Variants in CHCHD3 observed in about 807,000 individuals in gnomAD.
CHCHD3 encodes MICOS complex subunit MIC19.
In CHCHD3, 20 loss-of-function variants were observed where a neutral mutation model predicts 38.2. The observed-to-expected ratio is 0.52, with a 90% CI of 0.37 to 0.76. The LOEUF (loss-of-function observed/expected upper bound fraction) is 0.76. CHCHD3 is among the 30% of genes least tolerant of loss of function. The pLI is 0.00. For missense variants in CHCHD3, 245 were observed against 279.2 expected, an observed-to-expected ratio of 0.88 and a Z score of 0.87; for synonymous variants, 82 against 100.0, an observed-to-expected ratio of 0.82 and a Z score of 1.07.
intron 2 of CHCHD3, among the ~76,000 whole-genome samples, chr7:133,061,023 A>T (rs1814492473): frequency 6.6e-6 from 1 of 152,232 alleles, no homozygotes; most frequent in Middle Eastern, 3.2e-3. Flanking sequence ...AAGGTCTTGT[A>T]CAAAAGCAGT....
rs752179945 is a variant in CHCHD3 at position 133,034,929 on chromosome 7, T to G, written c.170-10302A>C. 1.9e-6 allele frequency: 3 copies of G among 1,605,736 alleles called. No homozygotes were observed. The East Asian group carries it at 6.7e-5, about 36-fold the overall frequency. ...GCAGCTCATGAAGGTCTGAGTGAGT[T>G]CTTCAGGGAAGCGATACTCTGAGTA... is the stretch of plus-strand genomic sequence containing the variant. On this transcript the variant is annotated intron_variant, in intron 2 of 7. Transcript: ENST00000262570.
Position 132,962,776 on chromosome 7 carries a change from C to A in CHCHD3, c.369+12393G>T, listed in dbSNP as rs143289418. Among the ~76,000 whole-genome samples, 863 of 152,254 alleles carry A rather than the reference C, an allele frequency of 5.7e-3. 6 individuals are homozygous for A. The highest frequency in any genetic ancestry group is 0.02 in the African/African-American group (825 of 41,556). On this transcript the variant is annotated intron_variant, in intron 4 of 7. Transcript: ENST00000262570. Reference sequence around the variant, plus strand: ...ACCTCTTTTTTGCCCATTCCACTTTCTTCTTACTAAAACTCTAGCAATGAC... The same window carrying A: ...ACCTCTTTTTTGCCCATTCCACTTTATTCTTACTAAAACTCTAGCAATGAC...
chr7:132,839,709 G>C (rs1349800735), intron 5 of CHCHD3, among the ~76,000 whole-genome samples: 1 of 152,120 alleles, frequency 6.6e-6, no homozygotes, highest in Non-Finnish European at 1.5e-5. Flanking sequence ...AACAATCTTG[G>C]TTGTCCAATG....
At chr7:133,032,004 G>A (rs1369824881) in intron 2 of CHCHD3, among the ~76,000 whole-genome samples, 1 of 152,112 alleles carries the variant, frequency 6.6e-6, no homozygotes, top group Non-Finnish European at 1.5e-5. Context: ...ACAACACCAA[G>A]TATATTAGAG....
At position 133,012,791 on chromosome 7, in the gene CHCHD3, G is replaced by GGAGGGGAGGGGAGGA. The variant is rs1385438156; in HGVS notation, c.251+11754_251+11755insTCCTCCCCTCCCCTC. Among the ~76,000 whole-genome samples the GGAGGGGAGGGGAGGA allele has an allele frequency of 2.6e-4, 3 of 11,492 alleles. No individual in the cohort carries two copies. In the East Asian group the frequency reaches 5.4e-3, roughly 21 times the overall value. 7.5% of individuals were successfully genotyped at this position (11,492 alleles called of 152,430 possible). ...AACTAAGAAAGAAAAGGAGGAGAGG[G>GGAGGGGAGGGGAGGA]GAGGGGAGGGGAGGGGAAGAGAGGG... On this transcript the variant is annotated intron_variant, in intron 3 of 7. Transcript: ENST00000262570.
rs1055828380 is a variant in CHCHD3, at chr7:133,056,022, C to T, written c.169+14120G>A. On this transcript the variant is annotated intron_variant, in intron 2 of 7. Transcript: ENST00000262570. ...CTGCCAAATGTGGTGGTGGCACACA[C>T]TTGTAACCCAAACTACTCAGGAAAC... Among the ~76,000 whole-genome samples, 14 of 151,968 alleles carry T rather than the reference C, an allele frequency of 9.2e-5. No homozygotes were observed. In the East Asian group the frequency reaches 2.5e-3, roughly 27 times the overall value.
intron 5 of CHCHD3, among the ~76,000 whole-genome samples, chr7:132,853,149 C>G (rs1428207064): frequency 6.6e-6 from 1 of 152,138 alleles, no homozygotes; most frequent in Non-Finnish European, 1.5e-5. Flanking sequence ...GTGCACATCT[C>G]TCTAAGTGAA....
intron 4 of CHCHD3, among the ~76,000 whole-genome samples, chr7:132,890,860 T>C (rs1313827484): frequency 2.6e-5 from 4 of 152,236 alleles, no homozygotes; most frequent in Admixed American, 2.6e-4. Flanking sequence ...TCTTTCACTA[T>C]AATATGGATA....
chr7:133,035,113 G>A lies in CHCHD3; in HGVS notation c.170-10486C>T, dbSNP rs755053135. The stretch of plus-strand genomic sequence containing the variant: ...TCCTTGGCCTTGGGCTCAGCAGCCA[G>A]CGCCTGCTCACATTCATCCATCTCC... On this transcript the variant is annotated intron_variant, in intron 2 of 7. Transcript: ENST00000262570. This position sits in a 1 kb window ranked among gnomAD's most constrained non-coding sequence, Gnocchi z 4.7. 1.5e-5 allele frequency: 24 copies of A among 1,613,600 alleles called. No individual in the cohort carries two copies. The South Asian group carries it at 2.6e-4, about 18-fold the overall frequency.
chr7:132,873,434 A>G (rs1198105875), intron 5 of CHCHD3, among the ~76,000 whole-genome samples: 2 of 86,686 alleles, frequency 2.3e-5, no homozygotes, highest in Non-Finnish European at 4.7e-5. Context: ...TTTTTTTTTG[A>G]GACGGGTCTC....
At chr7:132,832,388 C>T (rs1563248936) in intron 6 of CHCHD3, among the ~76,000 whole-genome samples, 2 of 152,172 alleles carry the variant, frequency 1.3e-5, no homozygotes, top group Non-Finnish European at 2.9e-5. Context: ...TAGACTTGTA[C>T]TTCTTTAGAA....
intron 6 of CHCHD3, among the ~76,000 whole-genome samples, chr7:132,807,472 T>C (rs1806953284): frequency 1.3e-5 from 2 of 151,914 alleles, no homozygotes. Flanking sequence ...GTAAAATGAA[T>C]GGTTAATGAG....
chr7:133,074,805 G>A (rs1350117016), intron 1 of CHCHD3, among the ~76,000 whole-genome samples: 3 of 152,014 alleles, frequency 2.0e-5, no homozygotes, highest in African/African-American at 7.3e-5. Context: ...ATTTTCATCT[G>A]AAAAAAATGA....
At chr7:132,968,801 T>C (rs560014878) in intron 4 of CHCHD3, among the ~76,000 whole-genome samples, 157 of 152,324 alleles carry the variant, frequency 1.0e-3, no homozygotes, top group African/African-American at 3.6e-3. Flanking sequence ...ACCATGTCGA[T>C]CATTTCAAAA....
chr7:132,923,874 G>A (rs1010613787), intron 4 of CHCHD3, among the ~76,000 whole-genome samples: 1 of 152,150 alleles, frequency 6.6e-6, no homozygotes, highest in African/African-American at 2.4e-5. Context: ...GAGAAGGAAT[G>A]AGAAAGATTA....
intron 4 of CHCHD3, among the ~76,000 whole-genome samples, chr7:132,932,565 C>A (rs1400479504): frequency 6.6e-6 from 1 of 152,228 alleles, no homozygotes; most frequent in Non-Finnish European, 1.5e-5. Context: ...CTGCCGTCTC[C>A]CACTGTTCCC....
chr7:132,973,472 T>C (rs939347483), intron 4 of CHCHD3: 6 of 985,416 alleles, frequency 6.1e-6, no homozygotes, highest in African/African-American at 5.2e-5. Context: ...CAAAACTTAC[T>C]GTCTTTAATT....
intron 3 of CHCHD3, among the ~76,000 whole-genome samples, chr7:133,007,635 A>G (rs1318402718): frequency 6.6e-6 from 1 of 151,920 alleles, no homozygotes; most frequent in Non-Finnish European, 1.5e-5. Context: ...GAAACTAGCC[A>G]CTCTCTGGAC....
intron 3 of CHCHD3, among the ~76,000 whole-genome samples, chr7:132,995,474 T>A (rs1196546492): frequency 1.8e-4 from 27 of 152,224 alleles, no homozygotes; most frequent in Admixed American, 1.8e-3. Context: ...TCACTTGATA[T>A]TTTCCATCTT....
Sources: gnomAD v4.1 joint callset for allele counts (sites outside exome capture counted in the v4.1 genomes callset) on GRCh38, gnomAD v4.1.1 for gene constraint, Gnocchi (gnomAD v3.1) non-coding constraint, MANE v1.5 for transcripts, NCBI Gene and HGNC (gene_info 2026-07-23, HGNC 2026-07-21) for gene names.